AP3B1: variants seen among roughly 807,000 people sequenced by gnomAD.
AP3B1 encodes the protein AP-3 complex subunit beta-1.
AP3B1 carries 61 observed loss-of-function variants against 132.5 expected under a neutral mutation model. That is an observed-to-expected ratio of 0.46 (90% CI 0.37 to 0.57). AP3B1 has a LOEUF of 0.57. AP3B1 is among the 20% of genes least tolerant of loss of function. The pLI, the probability that AP3B1 is intolerant of heterozygous loss-of-function variation, is 0.00. For synonymous variants in AP3B1, 388 were observed against 438.3 expected (o/e 0.89, Z 1.43); for missense variants, 1,120 against 1,289.4 (o/e 0.87, Z 2.01).
chr5:78,037,778 G>A (rs1000399340), intron 23 of AP3B1, among the ~76,000 whole-genome samples: 1 of 152,162 alleles, frequency 6.6e-6, no homozygotes, highest in Non-Finnish European at 1.5e-5. Context: ...GAGCATTCTG[G>A]TTATAACATT....
intron 6 of AP3B1, among the ~76,000 whole-genome samples, chr5:78,223,451 C>T (rs780071606): frequency 6.6e-6 from 1 of 151,974 alleles, no homozygotes; most frequent in African/African-American, 2.4e-5. Context: ...ACATTAAAAA[C>T]GATACTACAC....
chr5:78,292,928 G>C (rs965906373), intron 1 of AP3B1, among the ~76,000 whole-genome samples: 1 of 151,354 alleles, frequency 6.6e-6, no homozygotes, highest in African/African-American at 2.4e-5. Flanking sequence ...GCCCACGTTT[G>C]AGTGCTGTGG....
chr5:78,050,429 C>A (rs1215502636), intron 22 of AP3B1, among the ~76,000 whole-genome samples: 1 of 152,078 alleles, frequency 6.6e-6, no homozygotes, highest in East Asian at 1.9e-4. Flanking sequence ...AAATAATATA[C>A]CTCTAGTGTT....
intron 14 of AP3B1, among the ~76,000 whole-genome samples, chr5:78,146,598 T>C (rs1753406914): frequency 6.6e-6 from 1 of 152,198 alleles, no homozygotes; most frequent in African/African-American, 2.4e-5. Context: ...AGATTTAACA[T>C]GTACTTTTCA....
chr5:78,184,165 T>C (rs921803705), intron 7 of AP3B1, among the ~76,000 whole-genome samples: 20 of 148,580 alleles, frequency 1.3e-4, no homozygotes, highest in Admixed American at 1.2e-3. Flanking sequence ...TGAGACTCCA[T>C]CTCAAAAAAA....
At chr5:78,024,561 A>ATTTTTTTTTTTTTTTTTTTTTTTTT (rs70997962) in intron 24 of AP3B1, among the ~76,000 whole-genome samples, 1 of 113,478 alleles carries the variant, frequency 8.8e-6, no homozygotes, top group Non-Finnish European at 1.8e-5. Context: ...AGCTAATTTA[A>ATTTTTTTTTTTTTTTTTTTTTTTTT]TTTTTTTTTT....
At chr5:78,239,242 T>G in intron 3 of AP3B1, among the ~76,000 whole-genome samples, 1 of 151,434 alleles carries the variant, frequency 6.6e-6, no homozygotes, top group African/African-American at 2.4e-5. Context: ...AGGCCAAGGT[T>G]GGCAGATTGC....
intron 21 of AP3B1, among the ~76,000 whole-genome samples, chr5:78,099,129 T>C (rs149390728): frequency 4.4e-4 from 67 of 152,354 alleles, no homozygotes; most frequent in Middle Eastern, 3.4e-3. Flanking sequence ...CAGAAGTCAC[T>C]ATCTCTGAAG....
chr5:78,242,772 T>C (rs1345147037), intron 2 of AP3B1, among the ~76,000 whole-genome samples: 1 of 152,196 alleles, frequency 6.6e-6, no homozygotes, highest in Admixed American at 6.5e-5. Flanking sequence ...TACATTTCTA[T>C]TTATTTTAGT....
intron 22 of AP3B1, among the ~76,000 whole-genome samples, chr5:78,079,279 AT>A (rs1464659935): frequency 1.3e-5 from 2 of 152,200 alleles, no homozygotes; most frequent in Non-Finnish European, 2.9e-5. Context: ...TTCTTATATA[AT>A]TCCTTGGAAC....
chr5:78,122,248 T>C (rs1459121048), intron 17 of AP3B1, among the ~76,000 whole-genome samples: 1 of 152,218 alleles, frequency 6.6e-6, no homozygotes, highest in Non-Finnish European at 1.5e-5. Flanking sequence ...TCATACAGCA[T>C]GGGCAAAAAC....
intron 22 of AP3B1, among the ~76,000 whole-genome samples, chr5:78,063,154 A>G (rs925475004): frequency 6.6e-6 from 1 of 152,202 alleles, no homozygotes; most frequent in South Asian, 2.1e-4. Flanking sequence ...AACACTATCA[A>G]TTTTCCTCAG....
intron 7 of AP3B1, among the ~76,000 whole-genome samples, chr5:78,197,232 A>AG (rs1327658056): frequency 3.9e-5 from 6 of 152,160 alleles, no homozygotes; most frequent in African/African-American, 1.4e-4. Context: ...AACCTATCTT[A>AG]TATAAAAATA....
At chr5:78,282,866 AT>A (rs1053660709) in intron 1 of AP3B1, among the ~76,000 whole-genome samples, 3 of 144,242 alleles carry the variant, frequency 2.1e-5, no homozygotes, top group African/African-American at 7.7e-5. Context: ...AAAAAAAAAA[AT>A]AGCTAGGCAT....
chr5:78,043,870 C>A (rs1156804152), intron 22 of AP3B1: 4 of 362,652 alleles, frequency 1.1e-5, no homozygotes, highest in Non-Finnish European at 2.2e-5. Context: ...ATTGACATGA[C>A]CAAGGCTGAT....
rs757746058 is a variant in AP3B1, at chr5:78,156,295, A to G, written c.1436T>C (p.Ile479Thr). The G allele has an allele frequency of 7.4e-6, 12 of 1,613,762 alleles. No individual in the cohort carries two copies. Among genetic ancestry groups the G allele is most frequent in the Non-Finnish European group, 9.3e-6 (11 of 1,179,826 alleles). Residue 479 changes from isoleucine to threonine, a missense_variant, in exon 14 of 27, where the codon ATT becomes ACT. By Grantham distance (89) the Ile-to-Thr change is moderately conservative. Transcript: ENST00000255194. ...CAGGAGTTTGGCCATATGTTTAATA[A>G]TTTCACCATGTTGTGCAGGTTGCAT... ...LQMQPAQHGE[I>T]IKHMAKLLDS... is the part of the protein sequence containing the mutation.
chr5:78,150,812 T>TA (rs1469697900), intron 14 of AP3B1, among the ~76,000 whole-genome samples: 4 of 151,938 alleles, frequency 2.6e-5, no homozygotes, highest in African/African-American at 9.7e-5. Flanking sequence ...ACAAGAAGAG[T>TA]AAAAAAAATT....
chr5:78,131,815 A>G (rs2112306540), intron 15 of AP3B1, among the ~76,000 whole-genome samples: 1 of 152,222 alleles, frequency 6.6e-6, no homozygotes, highest in African/African-American at 2.4e-5. Flanking sequence ...TGTTTGCAAG[A>G]CTTGTTTCTA....
intron 1 of AP3B1, among the ~76,000 whole-genome samples, chr5:78,267,879 C>G (rs1319288602): frequency 1.3e-5 from 2 of 151,878 alleles, no homozygotes; most frequent in Non-Finnish European, 2.9e-5. Context: ...CAAACTAATA[C>G]AAGGGTTAAA....
Sources: gnomAD v4.1 joint callset for allele counts (sites outside exome capture counted in the v4.1 genomes callset) on GRCh38, gnomAD v4.1.1 for gene constraint, MANE v1.5 for transcripts, NCBI Gene and HGNC (gene_info 2026-07-23, HGNC 2026-07-21) for gene names.